The following NDEL1 variants were observed in gnomAD, a reference collection of about 807,000 sequenced individuals.
The protein encoded by NDEL1 is nuclear distribution protein nudE-like 1.
Under a neutral mutation model 45.7 loss-of-function variants are expected in NDEL1, and 9 were observed. That is an observed-to-expected ratio of 0.20 (90% confidence interval 0.12 to 0.34). NDEL1 has a LOEUF of 0.34. Among genes scored for constraint, NDEL1 ranks in the 10% least tolerant of loss-of-function variants. The pLI is 1.00. For missense variants in NDEL1, 306 were observed against 406.2 expected, an observed-to-expected ratio of 0.75 and a Z score of 2.12; for synonymous variants, 133 against 158.6, an observed-to-expected ratio of 0.84 and a Z score of 1.21.
chr17:8,428,759 C>T lies in NDEL1; in HGVS notation c.-13+15490C>T, dbSNP rs1175690768. ...CATGATCTCGGCTCACTGCAAGCTC[C>T]GCCTCCCAGGTTCACACCATTCTCC... is the stretch of plus-strand genomic sequence containing the variant. On this transcript the variant is annotated intron_variant, in intron 1 of 4. Coordinates refer to the NDEL1 transcript ENST00000582812. Among the ~76,000 whole-genome samples the T allele has an allele frequency of 6.6e-5, 10 of 151,886 alleles. 1 individual carries two copies. The highest frequency in any genetic ancestry group is 2.1e-4 in the South Asian group (1 of 4,822).
chr17:8,457,124 G>A (rs759009724), intron 7 of NDEL1, among the ~76,000 whole-genome samples: 1 of 152,136 alleles, frequency 6.6e-6, no homozygotes, highest in Non-Finnish European at 1.5e-5. Context: ...CTGACTGTAC[G>A]CTGCTTTCTT....
At chr17:8,429,279 C>T (rs973723115) in intron 1 of NDEL1, among the ~76,000 whole-genome samples, 7 of 152,166 alleles carry the variant, frequency 4.6e-5, no homozygotes, top group Non-Finnish European at 5.9e-5. Flanking sequence ...CTTTCACTTT[C>T]GTTGAAGCAT....
intron 1 of NDEL1, among the ~76,000 whole-genome samples, chr17:8,417,107 T>C (rs569350352): frequency 1.3e-5 from 2 of 152,290 alleles, no homozygotes; most frequent in Non-Finnish European, 2.9e-5. Flanking sequence ...CTCTTTCTTT[T>C]TTTCTTTTTT....
At chr17:8,449,851 T>TA (rs1910356749) in intron 5 of NDEL1, among the ~76,000 whole-genome samples, 1 of 152,266 alleles carries the variant, frequency 6.6e-6, no homozygotes, top group Non-Finnish European at 1.5e-5. Context: ...GGTGTCCAAA[T>TA]ATCTCTTTGA....
At chr17:8,416,663 G>A (rs981665202) in intron 1 of NDEL1, among the ~76,000 whole-genome samples, 5 of 152,092 alleles carry the variant, frequency 3.3e-5, no homozygotes, top group South Asian at 4.1e-4. Context: ...ATTGTCCTGC[G>A]TACTCAGGAG....
intron 1 of NDEL1, among the ~76,000 whole-genome samples, chr17:8,422,982 G>A (rs1293907413): frequency 6.6e-6 from 1 of 152,120 alleles, no homozygotes; most frequent in Non-Finnish European, 1.5e-5. Context: ...ACCCGCCTCA[G>A]CCTCCCAAAG....
At chr17:8,463,240 TG>T in intron 8 of NDEL1, 1 of 1,122,504 alleles carries the variant, frequency 8.9e-7, no homozygotes, top group Non-Finnish European at 1.3e-6. Flanking sequence ...TGTGTGTAGG[TG>T]GGCATGGACT....
chr17:8,429,303 T>TGCACA (rs1908945196), intron 1 of NDEL1, among the ~76,000 whole-genome samples: 1 of 152,228 alleles, frequency 6.6e-6, no homozygotes, highest in Admixed American at 6.5e-5. Context: ...AAATGAGTGT[T>TGCACA]TGCTAAGTGC....
chr17:8,445,661 T>A, intron 2 of NDEL1, 50 bp from the exon 3 acceptor site: 1 of 1,565,012 alleles, frequency 6.4e-7, no homozygotes, highest in Non-Finnish European at 8.6e-7. Flanking sequence ...TCCAAGACAA[T>A]CCTTGTGGTT....
At chr17:8,440,375 A>G (rs1454793840) in intron 1 of NDEL1, among the ~76,000 whole-genome samples, 2 of 152,012 alleles carry the variant, frequency 1.3e-5, no homozygotes, top group African/African-American at 2.4e-5. Flanking sequence ...TTAGCCAGGT[A>G]TGGTGGTGGG....
At chr17:8,423,116 C>T (rs1281776004) in intron 1 of NDEL1, among the ~76,000 whole-genome samples, 1 of 152,094 alleles carries the variant, frequency 6.6e-6, no homozygotes, top group Admixed American at 6.6e-5. Flanking sequence ...TTCTGTGATC[C>T]CATGTACTGT....
rs183593353 is a variant in NDEL1, at chr17:8,438,751, A to G, written c.-13+2706A>G. On this transcript the variant is annotated intron_variant, in intron 1 of 8. Coordinates refer to ENST00000334527, the MANE Select transcript of NDEL1 (RefSeq NM_030808.5). Reference sequence around the variant, plus strand: ...GGCTGGCCTTGAAGTTCCAGGCTCAACTGACATTCCCACCTCAGCCTTCCA... The same window carrying G: ...GGCTGGCCTTGAAGTTCCAGGCTCAGCTGACATTCCCACCTCAGCCTTCCA... Among the ~76,000 whole-genome samples, 197 of 151,956 alleles carry G rather than the reference A, an allele frequency of 1.3e-3. 2 individuals carry two copies. Among genetic ancestry groups the G allele is most frequent in the African/African-American group, 4.5e-3 (188 of 41,422 alleles).
intron 7 of NDEL1, 118 bp downstream of exon 7, chr17:8,455,005 C>A: frequency 1.0e-6 from 1 of 979,608 alleles, no homozygotes; most frequent in Non-Finnish European, 1.6e-6. Flanking sequence ...TGTCATGAAG[C>A]TCAGAAGCAA....
Position 8,465,172 on chromosome 17 carries a change from G to A in NDEL1, c.945-1758G>A, listed in dbSNP as rs1221974028. ...GTCCCTGAGGTTTCTAGGAGAAGCA[G>A]GTGTCAGGGACTCTGGGACTAGCCA... is the stretch of plus-strand genomic sequence containing the variant. On this transcript the variant is annotated intron_variant, in intron 8 of 8. Transcript: ENST00000334527. The surrounding 1 kb of genome is among the most constrained non-coding windows in gnomAD (Gnocchi z 4.9). 2 of 152,254 alleles carry A rather than the reference G, an allele frequency of 1.3e-5. No homozygotes were observed. The highest frequency in any genetic ancestry group is 1.3e-4 in the Admixed American group (2 of 15,290). 9.4% of individuals were successfully genotyped at this position (152,254 alleles called of 1,614,324 possible). A position where few individuals can be genotyped will look rare whatever the true frequency, so the allele number is the denominator to read the frequency against.
At chr17:8,463,498 G>C (rs1182442420) in intron 8 of NDEL1, 2 of 675,814 alleles carry the variant, frequency 3.0e-6, no homozygotes, top group Middle Eastern at 2.5e-4. Flanking sequence ...GAACTTTCAC[G>C]GTCCTGTTCG....
chr17:8,456,167 C>G (rs1329960670), intron 7 of NDEL1, among the ~76,000 whole-genome samples: 1 of 152,180 alleles, frequency 6.6e-6, no homozygotes, highest in Non-Finnish European at 1.5e-5. Flanking sequence ...GACACAGGTC[C>G]TATGTTTGCC....
At chr17:8,445,895 T>G in intron 3 of NDEL1, 31 bp downstream of exon 3, 1 of 1,400,696 alleles carries the variant, frequency 7.1e-7, no homozygotes, top group Non-Finnish European at 9.4e-7. Flanking sequence ...TGGGGTCTAA[T>G]GTGTTGAGTT....
chr17:8,430,741 T>C (rs1908980340), intron 1 of NDEL1, among the ~76,000 whole-genome samples: 1 of 152,216 alleles, frequency 6.6e-6, no homozygotes, highest in Non-Finnish European at 1.5e-5. Flanking sequence ...CTCACTCACC[T>C]TTTTTACCAC....
upstream of NDEL1, among the ~76,000 whole-genome samples, chr17:8,432,529 C>A (rs181749889): frequency 6.6e-6 from 1 of 151,032 alleles, no homozygotes; most frequent in Non-Finnish European, 1.5e-5. Context: ...GGACTACAGG[C>A]GTCCACCACT....
Sources: allele counts gnomAD v4.1 joint callset (sites outside exome capture counted in the v4.1 genomes callset), GRCh38; gene constraint gnomAD v4.1.1; non-coding constraint Gnocchi (gnomAD v3.1); transcripts MANE v1.5; gene names NCBI Gene and HGNC (gene_info 2026-07-23, HGNC 2026-07-21).